Variants in CATSPERD observed in about 807,000 individuals in gnomAD.
CATSPERD encodes cation channel sperm-associated auxiliary subunit delta.
CATSPERD carries 86 observed loss-of-function variants against 98.1 expected under a neutral mutation model. The ratio of observed to expected loss-of-function variants is 0.88; its 90% confidence interval spans 0.74 to 1.05. The LOEUF (loss-of-function observed/expected upper bound fraction) is 1.05, where lower values mean the gene tolerates loss of function less well. Among genes scored for constraint, CATSPERD ranks in the 50% least tolerant of loss-of-function variants. The pLI, the probability that CATSPERD is intolerant of heterozygous loss-of-function variation, is 0.00. For synonymous variants in CATSPERD, 394 were observed against 390.2 expected (o/e 1.01, Z -0.12); for missense variants, 995 against 1,005.7 (o/e 0.99, Z 0.14).
chr19:5,778,483 G>C lies in CATSPERD; in HGVS notation c.2204G>C (p.Gly735Ala). ...VILLIISSILGSVWLAYKTPK... is the reference protein window; with the variant it reads ...VILLIISSILASVWLAYKTPK... ...CTACTGATCATCTCCAGCATCCTGG[G>C]GTCCGTTTGGCTGGCCTACAAGACC... The change falls in exon 22 of 22, where the codon GGG (glycine) becomes GCG (alanine). Residue 735 changes from glycine (G) to alanine (A), a missense_variant. This residue lies in a region of CATSPERD where 762 missense variants were observed against 773.7 expected (regional missense o/e 0.98). Transcript: ENST00000381624. The C allele has an allele frequency of 6.2e-7, 1 of 1,614,014 alleles. No individual in the cohort carries two copies. The highest frequency in any genetic ancestry group is 8.5e-7 in the Non-Finnish European group (1 of 1,180,036).
intron 11 of CATSPERD, among the ~76,000 whole-genome samples, chr19:5,750,924 C>A (rs2056200728): frequency 6.6e-6 from 1 of 150,664 alleles, no homozygotes; most frequent in Admixed American, 6.7e-5. Flanking sequence ...TTCTTTCAAT[C>A]TGCATCATGG....
intron 20 of CATSPERD, among the ~76,000 whole-genome samples, chr19:5,774,534 C>T (rs1416612953): frequency 6.6e-6 from 1 of 150,710 alleles, no homozygotes; most frequent in Non-Finnish European, 1.5e-5. Flanking sequence ...ACTAAAAATA[C>T]AAAAATTACC....
intron 6 of CATSPERD, 73 bp from the exon 7 acceptor site, chr19:5,739,253 T>A (rs1312250268): frequency 1.2e-6 from 1 of 865,340 alleles, no homozygotes; most frequent in Non-Finnish European, 1.9e-6. Context: ...TTTTCATTTC[T>A]CTGGGATAAA....
At chr19:5,724,997 C>T (rs746141537) in intron 2 of CATSPERD, 135 bp downstream of exon 2, 1 of 811,796 alleles carries the variant, frequency 1.2e-6, no homozygotes, top group East Asian at 2.5e-5. Context: ...CTTTACAGTT[C>T]TTTCCCCTTT....
chr19:5,733,703 G>A (rs927438331), intron 4 of CATSPERD, among the ~76,000 whole-genome samples, 153 bp from the exon 5 acceptor site: 3 of 151,782 alleles, frequency 2.0e-5, no homozygotes, highest in Non-Finnish European at 4.4e-5. Flanking sequence ...TGATCTACCC[G>A]CCTTGGCCTC....
intron 15 of CATSPERD, among the ~76,000 whole-genome samples, chr19:5,760,347 C>T (rs976793361): frequency 3.0e-4 from 45 of 150,442 alleles, no homozygotes; most frequent in African/African-American, 9.5e-4. Flanking sequence ...TTCAGTGAGC[C>T]GAGATTGCGC....
intron 1 of CATSPERD, among the ~76,000 whole-genome samples, chr19:5,721,534 G>T (rs2145656555): frequency 6.6e-6 from 1 of 152,342 alleles, no homozygotes; most frequent in Non-Finnish European, 1.5e-5. Context: ...CTCCGTTCCT[G>T]CCCTCAGGGA....
At position 5,768,206 on chromosome 19, in the gene CATSPERD, T is replaced by C. The variant is rs576683184; in HGVS notation, c.1598T>C (p.Leu533Ser). The C allele has an allele frequency of 1.1e-5, 17 of 1,613,880 alleles. No individual in the cohort carries two copies. In the South Asian group the frequency reaches 1.9e-4, roughly 18 times the overall value. Residue 533 changes from leucine to serine, a missense_variant, in exon 18 of 22, where the codon TTG becomes TCG. Leu to Ser is a moderately radical substitution (Grantham distance 145, BLOSUM62 -2). This residue lies in a region of CATSPERD where 762 missense variants were observed against 773.7 expected (regional missense o/e 0.98). Transcript: ENST00000381624. The part of the protein sequence containing the change: ...SACSMGILDP[L>S]TLQDNYSFII... The stretch of plus-strand genomic sequence containing the variant: ...TGTTCCATGGGCATCCTGGACCCCT[T>C]GACCCTGCAAGACAATTACAGCTTC...
intron 12 of CATSPERD, among the ~76,000 whole-genome samples, chr19:5,752,803 G>A (rs1019985994): frequency 2.0e-5 from 3 of 152,018 alleles, no homozygotes; most frequent in African/African-American, 7.2e-5. Flanking sequence ...CGAGGCGGGC[G>A]GATCACCTGA....
chr19:5,745,580 C>T (rs1345944304), intron 8 of CATSPERD, among the ~76,000 whole-genome samples: 1 of 152,060 alleles, frequency 6.6e-6, no homozygotes, highest in Non-Finnish European at 1.5e-5. Context: ...GAGATCGTGC[C>T]ACTGCACTCC....
intron 11 of CATSPERD, among the ~76,000 whole-genome samples, chr19:5,750,081 G>C (rs917299008): frequency 6.6e-6 from 1 of 151,008 alleles, no homozygotes; most frequent in African/African-American, 2.4e-5. Flanking sequence ...TGGGATTACA[G>C]TCGTGAGCCA....
Position 5,733,690 on chromosome 19 carries a change from C to T in CATSPERD, c.277-166C>T, listed in dbSNP as rs541526972. 3.3e-5 allele frequency among the ~76,000 whole-genome samples: 5 copies of T among 151,640 alleles called. No individual in the cohort carries two copies. The South Asian group carries it at 6.3e-4, about 19-fold the overall frequency. ...CAGGCTGGTCTCAAACTCCTGACCT[C>T]GGTGATCTACCCGCCTTGGCCTCCC... On this transcript the variant is annotated intron_variant, in intron 4 of 21. Transcript: ENST00000381624.
chr19:5,723,186 CAA>C (rs56121351), intron 1 of CATSPERD, among the ~76,000 whole-genome samples: 7 of 121,360 alleles, frequency 5.8e-5, no homozygotes, highest in Admixed American at 8.9e-5. Flanking sequence ...GATTCTGTCT[CAA>C]AAAAAAAAAA....
At chr19:5,769,253 T>C (rs2145854391) in intron 18 of CATSPERD, among the ~76,000 whole-genome samples, 1 of 143,242 alleles carries the variant, frequency 7.0e-6, no homozygotes, top group South Asian at 2.2e-4. Context: ...GAGGATTGCT[T>C]GAGGCCAGGA....
chr19:5,763,967 G>C (rs188777324), intron 16 of CATSPERD, among the ~76,000 whole-genome samples: 7 of 147,820 alleles, frequency 4.7e-5, no homozygotes, highest in African/African-American at 1.8e-4. Flanking sequence ...CCTAACCTCA[G>C]CCTCCCGAGT....
At chr19:5,747,603 T>C (rs2145763289) in intron 9 of CATSPERD, among the ~76,000 whole-genome samples, 1 of 138,122 alleles carries the variant, frequency 7.2e-6, no homozygotes, top group South Asian at 2.2e-4. Context: ...GTTTTCTTTT[T>C]TCTTTTCTTT....
chr19:5,742,910 G>A (rs1292196264), intron 7 of CATSPERD, among the ~76,000 whole-genome samples: 2 of 152,222 alleles, frequency 1.3e-5, no homozygotes, highest in Non-Finnish European at 2.9e-5. Flanking sequence ...TTGAAGGCAG[G>A]TAGAATAATA....
At chr19:5,773,968 C>CTTTTTT (rs71172771) in intron 20 of CATSPERD, among the ~76,000 whole-genome samples, 2 of 120,410 alleles carry the variant, frequency 1.7e-5, no homozygotes, top group Non-Finnish European at 1.6e-5. Flanking sequence ...TTTGCATTTG[C>CTTTTTT]TTTTTTTTTT....
At chr19:5,776,432 CCGT>C in intron 21 of CATSPERD, 117 bp downstream of exon 21, 11 of 1,139,610 alleles carry the variant, frequency 9.7e-6, no homozygotes, top group Non-Finnish European at 1.4e-5. Flanking sequence ...ACAGCCCAGG[CCGT>C]CCCCAGGACA....
Sources: gnomAD v4.1 joint callset for allele counts (sites outside exome capture counted in the v4.1 genomes callset) on GRCh38, gnomAD v4.1.1 for gene constraint, gnomAD v4.1.1 regional missense constraint, MANE v1.5 for transcripts, NCBI Gene and HGNC (gene_info 2026-07-23, HGNC 2026-07-21) for gene names.